Variants in MCTP1 observed in about 807,000 individuals in gnomAD.
MCTP1 encodes the protein multiple C2 and transmembrane domain-containing protein 1.
In MCTP1, 69 loss-of-function variants were observed where a neutral mutation model predicts 120.6. That is an observed-to-expected ratio of 0.57 (90% CI 0.47 to 0.70). The LOEUF (loss-of-function observed/expected upper bound fraction) is 0.70, where lower values mean the gene tolerates loss of function less well. MCTP1 is among the 30% of genes least tolerant of loss of function. The probability of loss-of-function intolerance (pLI) is 0.00; values close to 1 mark genes in which losing one functional copy is unlikely to be tolerated. For missense variants in MCTP1, 1,203 were observed against 1,248.8 expected (o/e 0.96, Z 0.55); for synonymous variants, 529 against 493.1 (o/e 1.07, Z -0.96).
At chr5:94,833,086 C>T (rs1401407334) in intron 17 of MCTP1, among the ~76,000 whole-genome samples, 1 of 152,100 alleles carries the variant, frequency 6.6e-6, no homozygotes, top group East Asian at 1.9e-4. Flanking sequence ...TAAAGAAAAA[C>T]AGTCAAAGAA....
At chr5:94,965,353 G>C (rs138650373) in intron 2 of MCTP1, among the ~76,000 whole-genome samples, 65 of 152,266 alleles carry the variant, frequency 4.3e-4, no homozygotes, top group Middle Eastern at 3.4e-3. Context: ...TCTGAACAGA[G>C]GAGATCTCTC....
intron 2 of MCTP1, among the ~76,000 whole-genome samples, chr5:94,959,497 A>C (rs1314715027): frequency 6.6e-6 from 1 of 152,246 alleles, no homozygotes; most frequent in Non-Finnish European, 1.5e-5. Flanking sequence ...TTTGCAGATG[A>C]GATGATTGCA....
At chr5:95,061,407 G>A (rs1250065768) in intron 1 of MCTP1, among the ~76,000 whole-genome samples, 4 of 67,858 alleles carry the variant, frequency 5.9e-5, no homozygotes, top group Non-Finnish European at 8.6e-5. Flanking sequence ...ACCCCTTAAG[G>A]GTTTTTTTTT....
intron 1 of MCTP1, among the ~76,000 whole-genome samples, chr5:95,028,350 T>A (rs1310380723): frequency 6.6e-6 from 1 of 152,126 alleles, no homozygotes; most frequent in Non-Finnish European, 1.5e-5. Flanking sequence ...CTATACTTTG[T>A]TTTTGAACTG....
chr5:95,116,307 G>GATGAA (rs60347043), intron 1 of MCTP1, among the ~76,000 whole-genome samples: 84,614 of 151,494 alleles, frequency 0.56, 24,444 homozygotes, highest in Middle Eastern at 0.64. Flanking sequence ...GAAGTAGAAA[G>GATGAA]ATGATGAACC....
At chr5:94,715,852 ATTACT>A (rs879665976) in intron 19 of MCTP1, among the ~76,000 whole-genome samples, 4 of 152,190 alleles carry the variant, frequency 2.6e-5, no homozygotes, top group South Asian at 2.1e-4. Context: ...ATCCAATTTC[ATTACT>A]TTAACTTCTT....
intron 1 of MCTP1, among the ~76,000 whole-genome samples, chr5:95,168,894 T>C (rs1442785398): frequency 6.6e-6 from 1 of 152,134 alleles, no homozygotes; most frequent in African/African-American, 2.4e-5. Flanking sequence ...TTTATTTCTT[T>C]CTCCTGCCTG....
intron 1 of MCTP1, among the ~76,000 whole-genome samples, chr5:95,269,824 C>T (rs1759216319): frequency 6.6e-6 from 1 of 152,178 alleles, no homozygotes; most frequent in African/African-American, 2.4e-5. Context: ...CTAAGAATTT[C>T]CCATACATAA....
chr5:95,201,298 G>A (rs1441130397), intron 1 of MCTP1, among the ~76,000 whole-genome samples: 1 of 152,024 alleles, frequency 6.6e-6, no homozygotes, highest in Non-Finnish European at 1.5e-5. Flanking sequence ...GACTGAATCA[G>A]AATATGTATT....
intron 6 of MCTP1, chr5:94,930,717 G>A (rs984398564): frequency 3.3e-5 from 5 of 152,018 alleles, no homozygotes; most frequent in Non-Finnish European, 5.9e-5. Flanking sequence ...GGGTTGTCAT[G>A]TTTTTTACAC....
chr5:94,860,927 C>T (rs1290045281), intron 17 of MCTP1, among the ~76,000 whole-genome samples: 1 of 151,604 alleles, frequency 6.6e-6, no homozygotes, highest in Non-Finnish European at 1.5e-5. Flanking sequence ...AAAGGCCACA[C>T]TTTGTCTCTA....
chr5:95,237,381 G>C (rs951463156), intron 1 of MCTP1, among the ~76,000 whole-genome samples: 1 of 152,148 alleles, frequency 6.6e-6, no homozygotes, highest in Non-Finnish European at 1.5e-5. Context: ...AAAAATAACG[G>C]AGTAAGTAAT....
intron 19 of MCTP1, among the ~76,000 whole-genome samples, chr5:94,729,737 G>A (rs898157228): frequency 1.3e-5 from 2 of 152,206 alleles, no homozygotes; most frequent in African/African-American, 4.8e-5. Context: ...AACAAAGGAT[G>A]CCTGAACATG....
chr5:95,200,498 A>G lies in MCTP1; in HGVS notation c.720+83358T>C, dbSNP rs564348868. ...AAAGAAAATGTGGCACATATACACAATGGAATACTATTCAGCTTTAAAAAT... is the reference window on the plus strand; with the variant it reads ...AAAGAAAATGTGGCACATATACACAGTGGAATACTATTCAGCTTTAAAAAT... On this transcript the variant is annotated intron_variant, in intron 1 of 22. Coordinates refer to ENST00000515393, the MANE Select transcript of MCTP1 (RefSeq NM_024717.7). Among the ~76,000 whole-genome samples the G allele has an allele frequency of 2.6e-5, 4 of 152,354 alleles. No individual in the cohort carries two copies. In the South Asian group the frequency reaches 8.3e-4, roughly 32 times the overall value.
intron 1 of MCTP1, among the ~76,000 whole-genome samples, chr5:95,109,685 T>C (rs187496767): frequency 6.6e-6 from 1 of 152,186 alleles, no homozygotes; most frequent in Non-Finnish European, 1.5e-5. Context: ...ATCTATTGAC[T>C]TTCATGAGGG....
chr5:94,882,103 T>C (rs1266602444), intron 12 of MCTP1, among the ~76,000 whole-genome samples: 1 of 152,152 alleles, frequency 6.6e-6, no homozygotes, highest in Non-Finnish European at 1.5e-5. Flanking sequence ...AGGAAAGACT[T>C]TGGATTTATA....
chr5:95,013,064 GAA>G (rs1475449394), intron 2 of MCTP1, among the ~76,000 whole-genome samples: 1 of 152,144 alleles, frequency 6.6e-6, no homozygotes, highest in Non-Finnish European at 1.5e-5. Flanking sequence ...ACATGAATAA[GAA>G]AGCCACCCAG....
intron 17 of MCTP1, among the ~76,000 whole-genome samples, chr5:94,810,251 A>G (rs540263913): frequency 1.3e-5 from 2 of 152,288 alleles, no homozygotes; most frequent in Admixed American, 6.5e-5. Flanking sequence ...TAAACTTTTA[A>G]AGAAATGAAT....
intron 1 of MCTP1, among the ~76,000 whole-genome samples, chr5:95,133,446 G>A (rs1376663397): frequency 6.6e-6 from 1 of 152,154 alleles, no homozygotes; most frequent in Non-Finnish European, 1.5e-5. Flanking sequence ...CCGAGGTCAG[G>A]AGTTTGAGAC....
Sources: gnomAD v4.1 joint callset for allele counts (sites outside exome capture counted in the v4.1 genomes callset) on GRCh38, gnomAD v4.1.1 for gene constraint, MANE v1.5 for transcripts, NCBI Gene and HGNC (gene_info 2026-07-23, HGNC 2026-07-21) for gene names.